AQP2: variants seen among roughly 807,000 people sequenced by gnomAD.
AQP2 encodes the protein aquaporin 2, also known as aquaporin-2.
Under a neutral mutation model 21.6 loss-of-function variants are expected in AQP2, and 20 were observed. The observed-to-expected ratio is 0.92, with a 90% confidence interval of 0.65 to 1.34. AQP2 has a LOEUF of 1.34. Ranked by LOEUF, AQP2 falls within the 40% of genes most tolerant of loss-of-function variation. The pLI is 0.00. For synonymous variants in AQP2, 168 were observed against 166.9 expected, an observed-to-expected ratio of 1.01 and a Z score of -0.05; for missense variants, 325 against 363.4, an observed-to-expected ratio of 0.89 and a Z score of 0.86.
intron 1 of AQP2, among the ~76,000 whole-genome samples, chr12:49,952,449 G>A (rs979899506): frequency 4.6e-5 from 7 of 152,178 alleles, no homozygotes; most frequent in African/African-American, 1.7e-4. Context: ...CTGGGGGCCA[G>A]GGGCCAAGGA....
At position 49,955,937 on chromosome 12, in the gene AQP2, C is replaced by T; in HGVS notation, c.*329C>T. The T allele has an allele frequency of 1.9e-6, 1 of 533,184 alleles. No individual in the cohort carries two copies. The highest frequency in any genetic ancestry group is 3.4e-6 in the Non-Finnish European group (1 of 292,542). The allele number at this position is 533,184 out of a possible 1,614,324, so 33.0% of individuals were successfully genotyped here. ...GAGGGAAACTCTGGAGAGCCTGCAC[C>T]CAGGTACTGAGTGGGGAGTGTACAG... On this transcript the variant is annotated 3_prime_UTR_variant, in exon 4 of 4. Transcript: ENST00000199280.
Position 49,951,205 on chromosome 12 carries a change from CTT to C in AQP2, c.360+17_360+18del. On this transcript the variant is annotated intron_variant, in intron 1 of 3. Coordinates refer to ENST00000199280, the MANE Select transcript of AQP2 (RefSeq NM_000486.6). ...CTGTCAATGCTGTGAGTAGCCACAA[CTT>C]TGCCATCCACAAGGGGCAGGTCCTG... 11 of 1,599,708 alleles carry C rather than the reference CTT, an allele frequency of 6.9e-6. No individual in the cohort carries two copies. The highest frequency in any genetic ancestry group is 9.4e-6 in the Non-Finnish European group (11 of 1,173,046).
In AQP2 at chr12:49,958,733, A is replaced by G. The variant is rs538573923; in HGVS notation, c.*3125A>G. The G allele has an allele frequency of 6.6e-6, 1 of 152,336 alleles. No individual in the cohort carries two copies. The highest frequency in any genetic ancestry group is 2.1e-4 in the South Asian group (1 of 4,826). The allele number at this position is 152,336 out of a possible 1,614,324, so 9.4% of individuals were successfully genotyped here. On this transcript the variant is annotated 3_prime_UTR_variant, in exon 4 of 4. Coordinates refer to ENST00000199280, the MANE Select transcript of AQP2 (RefSeq NM_000486.6). ...TGTCGTTTTGTATCTTTAAGCTGTG[A>G]TGTTGTATATATACAATGCCTCCCA...
intron 1 of AQP2, 149 bp downstream of exon 1, chr12:49,951,339 C>T (rs143590056): frequency 8.4e-7 from 1 of 1,194,202 alleles, no homozygotes; most frequent in Admixed American, 2.9e-5. Context: ...AACACAGCCA[C>T]CATAGGAGGG....
In AQP2 at chr12:49,957,336, AT is replaced by A. The variant is rs141050726; in HGVS notation, c.*1730del. 810 of 151,066 alleles carry A rather than the reference AT, an allele frequency of 5.4e-3. 9 individuals are homozygous for A. The highest frequency in any genetic ancestry group is 8.1e-3 in the Non-Finnish European group (551 of 67,744). The allele number at this position is 151,066 out of a possible 1,614,324, so 9.4% of individuals were successfully genotyped here. ...TTCCTCCTACCACCCAGCCCTATCC[AT>A]TCTCTCCTTCCCTCTCCAGCCTGCT... is the stretch of plus-strand genomic sequence containing the variant. On this transcript the variant is annotated 3_prime_UTR_variant, in exon 4 of 4. Transcript: ENST00000199280.
chr12:49,955,873 T>C lies in AQP2; in HGVS notation c.*265T>C, dbSNP rs1947366440. 1 of 635,040 alleles carries C rather than the reference T, an allele frequency of 1.6e-6. No individual in the cohort carries two copies. 39.3% of individuals were successfully genotyped at this position (635,040 alleles called of 1,614,324 possible). A position where few individuals can be genotyped will look rare whatever the true frequency, so the allele number is the denominator to read the frequency against. On this transcript the variant is annotated 3_prime_UTR_variant, in exon 4 of 4. Coordinates refer to ENST00000199280, the MANE Select transcript of AQP2 (RefSeq NM_000486.6). ...AGCCTTTTTCAGGGAACTGGGAACTTAGGGGACTGAGCTGGGGAGGGAGGC... is the reference window on the plus strand; with the variant it reads ...AGCCTTTTTCAGGGAACTGGGAACTCAGGGGACTGAGCTGGGGAGGGAGGC...
intron 2 of AQP2, 139 bp from the exon 3 acceptor site, chr12:49,954,491 A>C (rs1017201314): frequency 8.0e-7 from 1 of 1,251,946 alleles, no homozygotes; most frequent in African/African-American, 1.5e-5. Context: ...ACTCCAGCCC[A>C]TCTGTAAATA....
At chr12:49,952,575 C>G (rs1251796104) in intron 1 of AQP2, among the ~76,000 whole-genome samples, 1 of 152,176 alleles carries the variant, frequency 6.6e-6, no homozygotes, top group African/African-American at 2.4e-5. Flanking sequence ...GAGAGCATGA[C>G]CAGGAAGTCC....
rs104894337 is a variant in AQP2 at position 49,954,647 on chromosome 12, C to T, written c.543C>T (p.Cys181=). The T allele has an allele frequency of 1.9e-6, 3 of 1,614,204 alleles. No individual in the cohort carries two copies. In the South Asian group the frequency reaches 3.3e-5, roughly 18 times the overall value. The part of the protein sequence containing the change: ...GHLLGIHYTG[C]SMNPARSLAP... Reference sequence around the variant, plus strand: ...CACTGCAGATCCATTACACCGGCTGCTCTATGAATCCTGCCCGCTCCCTGG... The same window carrying T: ...CACTGCAGATCCATTACACCGGCTGTTCTATGAATCCTGCCCGCTCCCTGG... The change falls in exon 3 of 4, where the codon TGC becomes TGT. Residue 181 remains cysteine (C), a synonymous_variant. Coordinates refer to ENST00000199280, the MANE Select transcript of AQP2 (RefSeq NM_000486.6).
In AQP2 at chr12:49,951,076, C is replaced by T. The variant is rs764185466; in HGVS notation, c.246C>T (p.Ser82=). 22 of 1,611,560 alleles carry T rather than the reference C, an allele frequency of 1.4e-5. No homozygotes were observed. The highest frequency in any genetic ancestry group is 2.2e-5 in the East Asian group (1 of 44,804). ...CCTGCCTGGTGGGCTGCCACGTCTC[C>T]GTTCTCCGAGCCGCCTTCTACGTGG... ...TVACLVGCHV[S]VLRAAFYVAA... The change falls in exon 1 of 4, where the codon TCC becomes TCT. Residue 82 remains serine, a synonymous_variant. Coordinates refer to ENST00000199280, the MANE Select transcript of AQP2 (RefSeq NM_000486.6).
intron 2 of AQP2, 129 bp downstream of exon 2, chr12:49,954,448 T>G (rs1354830261): frequency 1.6e-6 from 2 of 1,254,556 alleles, no homozygotes; most frequent in Admixed American, 1.9e-5. Flanking sequence ...CCCCAGAGGT[T>G]TGACTCCTAG....
rs937279347 is a variant in AQP2, at chr12:49,957,058, C to T, written c.*1450C>T. The stretch of plus-strand genomic sequence containing the variant: ...GACGCATGTAAAGATGCTGTGTAAA[C>T]TGTAATTCTTAATACCATTATCACG... On this transcript the variant is annotated 3_prime_UTR_variant, in exon 4 of 4. Coordinates refer to ENST00000199280, the MANE Select transcript of AQP2 (RefSeq NM_000486.6). 1.3e-5 allele frequency: 2 copies of T among 152,676 alleles called. No individual in the cohort carries two copies. Among genetic ancestry groups the T allele is most frequent in the African/African-American group, 4.8e-5 (2 of 41,474 alleles). The allele number at this position is 152,676 out of a possible 1,614,324, so 9.5% of individuals were successfully genotyped here.
At chr12:49,951,339 C>A (rs143590056) in intron 1 of AQP2, 149 bp downstream of exon 1, 3 of 1,194,084 alleles carry the variant, frequency 2.5e-6, no homozygotes, top group Non-Finnish European at 3.4e-6. Flanking sequence ...AACACAGCCA[C>A]CATAGGAGGG....
At chr12:49,954,806 G>A in intron 3 of AQP2, 96 bp downstream of exon 3, 1 of 1,411,656 alleles carries the variant, frequency 7.1e-7, no homozygotes, top group Non-Finnish European at 1.0e-6. Context: ...CTCAGCAGCG[G>A]TACCCCAAAC....
intron 1 of AQP2, among the ~76,000 whole-genome samples, chr12:49,953,854 G>C (rs1947346740): frequency 6.6e-6 from 1 of 152,172 alleles, no homozygotes; most frequent in Non-Finnish European, 1.5e-5. Context: ...CCGGATCTCA[G>C]CATTCTTTTC....
rs1321481131 is a variant in AQP2, at chr12:49,955,814, C to T, written c.*206C>T. 1 of 748,574 alleles carries T rather than the reference C, an allele frequency of 1.3e-6. No individual in the cohort carries two copies. The highest frequency in any genetic ancestry group is 2.3e-6 in the Non-Finnish European group (1 of 432,176). 46.4% of individuals were successfully genotyped at this position (748,574 alleles called of 1,614,324 possible). A position where few individuals can be genotyped will look rare whatever the true frequency, so the allele number is the denominator to read the frequency against. On this transcript the variant is annotated 3_prime_UTR_variant, in exon 4 of 4. Transcript: ENST00000199280. ...GCCCTGAGCCTGGCAGGTCCCCTGC[C>T]CTGAGGCTGTGAGCAGCTAGTGGTG...
In AQP2 at chr12:49,957,879, TAGA is replaced by T. The variant is rs935825870; in HGVS notation, c.*2277_*2279del. 4 of 144,254 alleles carry T rather than the reference TAGA, an allele frequency of 2.8e-5. No individual in the cohort carries two copies. The highest frequency in any genetic ancestry group is 9.7e-5 in the African/African-American group (4 of 41,044). 8.9% of individuals were successfully genotyped at this position (144,254 alleles called of 1,614,324 possible). On this transcript the variant is annotated 3_prime_UTR_variant, in exon 4 of 4. Transcript: ENST00000199280. ...CCCACCTCACCCCAACAAACTCCTC[TAGA>T]AGAAGCCAAGAATTTCTCTCTATGT... is the stretch of plus-strand genomic sequence containing the variant.
rs751098988 is a variant in AQP2 at position 49,954,215 on chromosome 12, C to G, written c.421C>G (p.Leu141Val). ...VTVELFLTLQ[L>V]VLCIFASTDE... Reference sequence around the variant, plus strand: ...TGTGGAGCTCTTCCTGACACTGCAGCTGGTGCTCTGCATCTTCGCCTCCAC... The same window carrying G: ...TGTGGAGCTCTTCCTGACACTGCAGGTGGTGCTCTGCATCTTCGCCTCCAC... The change falls in exon 2 of 4, where the codon CTG (leucine) becomes GTG (valine). Residue 141 changes from leucine to valine, a missense_variant. Leu to Val is a conservative substitution (Grantham distance 32, BLOSUM62 1). Transcript: ENST00000199280. 1 of 1,603,744 alleles carries G rather than the reference C, an allele frequency of 6.2e-7. No homozygotes were observed. The highest frequency in any genetic ancestry group is 1.3e-5 in the African/African-American group (1 of 74,918).
Position 49,955,379 on chromosome 12 carries a change from C to A in AQP2, c.607-20C>A. 6.2e-7 allele frequency: 1 copy of A among 1,609,174 alleles called. No individual in the cohort carries two copies. Among genetic ancestry groups the A allele is most frequent in the South Asian group, 1.1e-5 (1 of 90,778 alleles). ...CGGTGCCGGCGCGGGTGCCAAGCCG[C>A]CCTCTCCGCTCGCCCCCAGGTCTTC... On this transcript the variant is annotated intron_variant, in intron 3 of 3. Coordinates refer to ENST00000199280, the MANE Select transcript of AQP2 (RefSeq NM_000486.6).
Sources: allele counts gnomAD v4.1 joint callset (sites outside exome capture counted in the v4.1 genomes callset), GRCh38; gene constraint gnomAD v4.1.1; transcripts MANE v1.5; gene names NCBI Gene and HGNC (gene_info 2026-07-23, HGNC 2026-07-21).